Variants in PABPC4 observed in about 807,000 individuals in gnomAD.
PABPC4 encodes polyadenylate-binding protein 4.
Under a neutral mutation model 74.5 loss-of-function variants are expected in PABPC4, and 15 were observed. That is an observed-to-expected ratio of 0.20 (90% CI 0.13 to 0.31). The LOEUF is 0.31. PABPC4 is among the 10% of genes least tolerant of loss of function. The pLI, the probability that PABPC4 is intolerant of heterozygous loss-of-function variation, is 1.00. For missense variants in PABPC4, 610 were observed against 853.5 expected (o/e 0.71, Z 3.55); for synonymous variants, 345 against 303.0 (o/e 1.14, Z -1.44).
Position 39,562,067 on chromosome 1 carries a change from G to C in PABPC4, c.1893+6C>G, listed in dbSNP as rs761582882. 13 of 1,612,192 alleles carry C rather than the reference G, an allele frequency of 8.1e-6. 1 individual carries two copies. In the South Asian group the frequency reaches 1.4e-4, roughly 18 times the overall value. On this transcript the variant is annotated splice_donor_region_variant and intron_variant, in intron 14 of 15. Transcript: ENST00000372858. Reference sequence around the variant, plus strand: ...CTGAAGCTGCAGGGTCTGAGCCCCAGCTCACCTTGGAGCGGAGAGACTCGG... The same window carrying C: ...CTGAAGCTGCAGGGTCTGAGCCCCACCTCACCTTGGAGCGGAGAGACTCGG...
intron 5 of PABPC4, 53 bp downstream of exon 5, chr1:39,569,542 A>G: frequency 3.7e-6 from 5 of 1,358,344 alleles, no homozygotes; most frequent in Admixed American, 1.7e-5. Flanking sequence ...GACCCTACCC[A>G]TACTCTGGGG....
rs750566304 is a variant in PABPC4 at position 39,564,782 on chromosome 1, CAGA to C, written c.1246-12_1246-10del. The stretch of plus-strand genomic sequence containing the variant: ...GGAGGCCTTCCCTGAGCCTGTAAGA[CAGA>C]AGAATACCCAAACACCCCCTTAAGG... On this transcript the variant is annotated splice_polypyrimidine_tract_variant and intron_variant, in intron 8 of 15. Transcript: ENST00000372858. 16 of 1,605,898 alleles carry C rather than the reference CAGA, an allele frequency of 1.0e-5. No individual in the cohort carries two copies. Among genetic ancestry groups the C allele is most frequent in the South Asian group, 2.2e-5 (2 of 90,894 alleles).
At position 39,567,188 on chromosome 1, in the gene PABPC4, T is replaced by TTAA. The variant is rs543349059; in HGVS notation, c.972+560_972+562dup. Among the ~76,000 whole-genome samples, 224 of 152,328 alleles carry TTAA rather than the reference T, an allele frequency of 1.5e-3. 1 individual carries two copies. Among genetic ancestry groups the TTAA allele is most frequent in the Non-Finnish European group, 2.6e-3 (179 of 68,036 alleles). On this transcript the variant is annotated intron_variant, in intron 7 of 15. Transcript: ENST00000372858. ...GTTCAAGGACTAAAATTCCTTATCTTTAAAATGAGGTTCCTACTTACCCTG... is the reference window on the plus strand; with the variant it reads ...GTTCAAGGACTAAAATTCCTTATCTTTAATAAAATGAGGTTCCTACTTACCCTG...
At chr1:39,571,011 A>T in intron 3 of PABPC4, 1 of 1,387,458 alleles carries the variant, frequency 7.2e-7, no homozygotes, top group East Asian at 2.6e-5. Context: ...CCTTTAAGGG[A>T]GAGGCGGCAG....
At chr1:39,572,899 C>T (rs2068663) in intron 1 of PABPC4, among the ~76,000 whole-genome samples, 24,936 of 152,178 alleles carry the variant, frequency 0.16, 2,647 homozygotes, top group Non-Finnish European at 0.24. Flanking sequence ...GATAATACCT[C>T]ACATTTGACT....
rs1645850977 is a variant in PABPC4, at chr1:39,566,809, A to C, written c.972+942T>G. ...GGATAGAAGATCACTCCTTACACTG[A>C]TGAGGGCCAGTCAAGGGGGGGGTCA... On this transcript the variant is annotated intron_variant, in intron 7 of 15. Transcript: ENST00000372858. 2.0e-5 allele frequency among the ~76,000 whole-genome samples: 3 copies of C among 152,140 alleles called. 1 individual carries two copies. The South Asian group carries it at 6.2e-4, about 32-fold the overall frequency.
intron 12 of PABPC4, 24 bp downstream of exon 12, chr1:39,563,590 A>AGC: frequency 6.2e-7 from 1 of 1,602,658 alleles, no homozygotes; most frequent in Non-Finnish European, 8.5e-7. Context: ...AATCCTTTTA[A>AGC]GCATTCTGTC....
rs777439369 is a variant in PABPC4, at chr1:39,567,788, T to A, written c.935A>T (p.Lys312Ile). 11 of 1,598,074 alleles carry A rather than the reference T, an allele frequency of 6.9e-6. No homozygotes were observed. In the East Asian group the frequency reaches 2.5e-4, roughly 36 times the overall value. ...AATTGATCCAAAAGGAGAAAATTCT[T>A]TCCTTAATTTCTCATCATCAATAGT... Reference protein sequence around the residue: ...DDTIDDEKLRKEFSPFGSITS... With the variant: ...DDTIDDEKLRIEFSPFGSITS... Residue 312 changes from lysine (K) to isoleucine (I), a missense_variant, in exon 7 of 16, where the codon AAA becomes ATA. Lys to Ile is a moderately radical substitution (Grantham distance 102). This residue lies in a region of PABPC4 where 304 missense variants were observed against 478.9 expected (regional missense o/e 0.63). Transcript: ENST00000372858.
chr1:39,575,743 C>T lies in PABPC4; in HGVS notation c.193+16G>A. On this transcript the variant is annotated intron_variant, in intron 1 of 15. Coordinates refer to ENST00000372858, the MANE Select transcript of PABPC4 (RefSeq NM_001135653.2). ...CTCCGGGCTCCCACGCACGTGTGGG[C>T]ACAGCTTCTACTCACCGTCGGCCGG... 1 of 1,562,208 alleles carries T rather than the reference C, an allele frequency of 6.4e-7. No homozygotes were observed. Among genetic ancestry groups the T allele is most frequent in the Non-Finnish European group, 8.7e-7 (1 of 1,149,332 alleles).
intron 1 of PABPC4, 65 bp downstream of exon 1, chr1:39,575,694 T>G: frequency 7.4e-7 from 1 of 1,357,712 alleles, no homozygotes. Flanking sequence ...AGGAGGGCCC[T>G]GCCAGAAGAC....
intron 3 of PABPC4, chr1:39,570,745 G>C (rs1645927775): frequency 6.1e-6 from 1 of 163,176 alleles, no homozygotes; most frequent in African/African-American, 2.4e-5. Context: ...TGTGGAGCCA[G>C]CCTTGTATTA....
At chr1:39,571,370 C>A (rs1433893415) in intron 2 of PABPC4, 21 bp from the exon 3 acceptor site, 5 of 1,613,650 alleles carry the variant, frequency 3.1e-6, no homozygotes, top group Non-Finnish European at 2.5e-6. Flanking sequence ...CAAGGCGGAC[C>A]ACTTTAGCAG....
chr1:39,565,328 T>C lies in PABPC4; in HGVS notation c.1023A>G (p.Ser341=). ...CTGCTTTGGTTGCTTCTTCAGGAGA[T>C]GAGAAGCAGACGAAGCCAAACCCTT... ...RSKGFGFVCF[S]SPEEATKAVT... The change falls in exon 8 of 16, where the codon TCA becomes TCG. Residue 341 remains serine, a synonymous_variant. Transcript: ENST00000372858. 1 of 1,613,934 alleles carries C rather than the reference T, an allele frequency of 6.2e-7. No homozygotes were observed. Among genetic ancestry groups the C allele is most frequent in the Non-Finnish European group, 8.5e-7 (1 of 1,179,950 alleles).
In PABPC4 at chr1:39,568,784, G is replaced by A. The variant is rs1267581954; in HGVS notation, c.876+18C>T. ...TCACAGCAAATCCCATTGCTAGGCT[G>A]GGCCAAGACCACCTTACCTGATATC... On this transcript the variant is annotated intron_variant, in intron 6 of 15. Transcript: ENST00000372858. The A allele has an allele frequency of 1.2e-6, 2 of 1,607,958 alleles. No homozygotes were observed. Among genetic ancestry groups the A allele is most frequent in the South Asian group, 2.2e-5 (2 of 89,722 alleles).
At chr1:39,570,482 A>T (rs558681024) in intron 3 of PABPC4, 1 of 156,250 alleles carries the variant, frequency 6.4e-6, no homozygotes, top group Non-Finnish European at 1.4e-5. Flanking sequence ...CTTTTTAGTG[A>T]TATCTGTAGA....
chr1:39,575,955 C>T lies in PABPC4; in HGVS notation c.-4G>A, dbSNP rs200495178. 6.2e-5 allele frequency: 97 copies of T among 1,562,872 alleles called. 1 individual carries two copies. In the African/African-American group the frequency reaches 1.1e-3, roughly 18 times the overall value. ...AGCTGCTGGCCGCAGCGTTCATCTC[C>T]CCGCCCCCCACCACCCCGAGCCCCG... On this transcript the variant is annotated 5_prime_UTR_variant, in exon 1 of 16. Coordinates refer to ENST00000372858, the MANE Select transcript of PABPC4 (RefSeq NM_001135653.2).
At chr1:39,570,272 G>A (rs930159792) in intron 3 of PABPC4, among the ~76,000 whole-genome samples, 1 of 152,246 alleles carries the variant, frequency 6.6e-6, no homozygotes, top group African/African-American at 2.4e-5. Context: ...TGATGGCCAT[G>A]TTTTTAAAAT....
rs1419533136 is a variant in PABPC4 at position 39,562,354 on chromosome 1, T to C, written c.1731A>G (p.Ala577=). ...TCTGCTTCTGTTCCTGGGGGGGTGCTGCAGCCAGCATGGAGGCAGTCAGTG... is the reference window on the plus strand; with the variant it reads ...TCTGCTTCTGTTCCTGGGGGGGTGCCGCAGCCAGCATGGAGGCAGTCAGTG... The part of the protein sequence containing the change: ...QEPLTASMLA[A]APPQEQKQML... Residue 577 remains alanine, a synonymous_variant, in exon 13 of 16, where the codon GCA becomes GCG. Coordinates refer to ENST00000372858, the MANE Select transcript of PABPC4 (RefSeq NM_001135653.2). 14 of 1,613,968 alleles carry C rather than the reference T, an allele frequency of 8.7e-6. No individual in the cohort carries two copies. The highest frequency in any genetic ancestry group is 2.7e-5 in the African/African-American group (2 of 74,948).
intron 12 of PABPC4, chr1:39,563,179 G>A (rs1254149946): frequency 2.4e-5 from 4 of 169,400 alleles, no homozygotes; most frequent in Non-Finnish European, 5.1e-5. Flanking sequence ...CTAAGCTCTA[G>A]GTTCAACCCC....
Sources: allele counts gnomAD v4.1 joint callset (sites outside exome capture counted in the v4.1 genomes callset), GRCh38; gene constraint gnomAD v4.1.1; regional missense constraint gnomAD v4.1.1; transcripts MANE v1.5; gene names NCBI Gene and HGNC (gene_info 2026-07-23, HGNC 2026-07-21).